TENM1: variants seen among roughly 807,000 people sequenced by gnomAD.
TENM1 encodes teneurin-1.
Under a neutral mutation model 174.8 loss-of-function variants are expected in TENM1, and 35 were observed. That is an observed-to-expected ratio of 0.20 (90% CI 0.15 to 0.27). The LOEUF (loss-of-function observed/expected upper bound fraction) is 0.27, where lower values mean the gene tolerates loss of function less well. Among genes scored for constraint, TENM1 ranks in the 10% least tolerant of loss-of-function variants. The pLI, the probability that TENM1 is intolerant of heterozygous loss-of-function variation, is 1.00. For synonymous variants in TENM1, 781 were observed against 798.7 expected (o/e 0.98, Z 0.37); for missense variants, 1,633 against 2,130.1 (o/e 0.77, Z 4.59).
the TENM1 span, among the ~76,000 whole-genome samples, chrX:124,980,653 G>GA: frequency 1.8e-5 from 2 of 110,918 alleles, no homozygotes; most frequent in African/African-American, 6.5e-5. Context: ...ATTTAAAAAT[G>GA]AAAAAATGTT....
intron 3 of TENM1, among the ~76,000 whole-genome samples, chrX:124,818,077 T>C (rs1459623377): frequency 9.0e-6 from 1 of 111,052 alleles, no homozygotes; most frequent in Non-Finnish European, 1.9e-5. Flanking sequence ...AGGATTAAAA[T>C]TTAAAAAATT....
chrX:124,761,044 A>G (rs762209147), intron 3 of TENM1, among the ~76,000 whole-genome samples: 261 of 111,942 alleles, frequency 2.3e-3, no homozygotes, highest in Non-Finnish European at 3.3e-3. Flanking sequence ...GTCAGGAAAC[A>G]ACAGGTGCTG....
the TENM1 span, among the ~76,000 whole-genome samples, chrX:125,045,753 C>T: frequency 3.6e-5 from 4 of 111,866 alleles, no homozygotes; most frequent in African/African-American, 1.3e-4. Context: ...AGTGAATAAT[C>T]GTCACCAGTC....
At chrX:124,437,104 ATTTTTTTTTTTTTTTTTTTT>A (rs35632932) in intron 23 of TENM1, among the ~76,000 whole-genome samples, 3 of 34,908 alleles carry the variant, frequency 8.6e-5, no homozygotes, top group African/African-American at 1.2e-4. Context: ...TGCTCGGCTA[ATTTTTTTTTTTTTTTTTTTT>A]TTTTTTTTGT....
intron 8 of TENM1, among the ~76,000 whole-genome samples, chrX:124,650,547 T>C (rs1569365761): frequency 9.0e-6 from 1 of 111,650 alleles, no homozygotes; most frequent in Non-Finnish European, 1.9e-5. Context: ...ATAGATCGGT[T>C]AGTGTTTTAA....
intron 15 of TENM1, among the ~76,000 whole-genome samples, chrX:124,545,347 G>A (rs902719018): frequency 4.5e-5 from 5 of 112,065 alleles, no homozygotes; most frequent in African/African-American, 1.3e-4. Flanking sequence ...AAGCTAAACC[G>A]CAGGGATTTA....
chrX:124,563,602 T>C lies in TENM1; in HGVS notation c.2287+147A>G, dbSNP rs183139053. The stretch of plus-strand genomic sequence containing the variant: ...ACCTTTTAGTGTGACTATTTTAGCA[T>C]GAAACTGACAACATTATATTTAAAT... On this transcript the variant is annotated intron_variant, in intron 13 of 31. Coordinates refer to ENST00000422452, the Ensembl canonical transcript of TENM1. The C allele has an allele frequency of 4.4e-5, 20 of 454,892 alleles. No individual in the cohort carries two copies. In the Middle Eastern group the frequency reaches 2.7e-3, roughly 61 times the overall value. 37.5% of individuals were successfully genotyped at this position (454,892 alleles called of 1,213,427 possible).
At chrX:124,866,962 T>C (rs1463440185) in intron 3 of TENM1, among the ~76,000 whole-genome samples, 1 of 111,074 alleles carries the variant, frequency 9.0e-6, no homozygotes, top group African/African-American at 3.3e-5. Context: ...ATCCAAAACC[T>C]AAACAGACCA....
the TENM1 span, among the ~76,000 whole-genome samples, chrX:125,005,410 TG>T: frequency 0.02 from 1,202 of 60,174 alleles, 5 homozygotes; most frequent in East Asian, 0.072. Flanking sequence ...GACTTGGTTG[TG>T]TGTGTGTGTG....
the TENM1 span, among the ~76,000 whole-genome samples, chrX:125,060,528 T>A: frequency 9.0e-6 from 1 of 111,665 alleles, no homozygotes; most frequent in South Asian, 3.8e-4. Flanking sequence ...TATCAAATTA[T>A]CATTTTAAAA....
chrX:124,942,778 C>G (rs1232332706), intron 1 of TENM1, among the ~76,000 whole-genome samples: 1 of 111,119 alleles, frequency 9.0e-6, no homozygotes, highest in South Asian at 3.8e-4. Flanking sequence ...TCTGTTCTTT[C>G]GTATCTCAAC....
the TENM1 span, among the ~76,000 whole-genome samples, chrX:125,085,916 C>A: frequency 9.1e-6 from 1 of 110,496 alleles, no homozygotes; most frequent in Non-Finnish European, 1.9e-5. Context: ...TTAGAAAATA[C>A]TTTCTCACCA....
At chrX:124,444,738 C>T (rs1417465007) in intron 23 of TENM1, among the ~76,000 whole-genome samples, 2 of 110,640 alleles carry the variant, frequency 1.8e-5, no homozygotes, top group Non-Finnish European at 3.8e-5. Flanking sequence ...ACTCAGAGCA[C>T]ATCTGGATTA....
At chrX:124,672,634 T>C (rs2051953110) in intron 5 of TENM1, among the ~76,000 whole-genome samples, 1 of 112,189 alleles carries the variant, frequency 8.9e-6, no homozygotes, top group Non-Finnish European at 1.9e-5. Context: ...ATGCTGTCTA[T>C]TGTAACATCT....
intron 14 of TENM1, among the ~76,000 whole-genome samples, chrX:124,552,322 C>T (rs1374704322): frequency 9.0e-6 from 1 of 111,672 alleles, no homozygotes; most frequent in Admixed American, 9.5e-5. Flanking sequence ...CTACTAGGCA[C>T]TCCTGTTAGC....
At chrX:124,614,320 C>T (rs989207137) in intron 11 of TENM1, among the ~76,000 whole-genome samples, 6 of 111,892 alleles carry the variant, frequency 5.4e-5, no homozygotes, top group Non-Finnish European at 1.1e-4. Flanking sequence ...CTGATATCCC[C>T]CTATATGAAA....
At chrX:124,388,083 T>C (rs774510960) in intron 28 of TENM1, among the ~76,000 whole-genome samples, 118 of 112,197 alleles carry the variant, frequency 1.1e-3, no homozygotes, top group African/African-American at 3.7e-3. Context: ...TTATCTCTAG[T>C]CTGAAAGTCA....
chrX:124,542,064 C>T (rs998872972), intron 15 of TENM1, among the ~76,000 whole-genome samples: 1 of 112,387 alleles, frequency 8.9e-6, no homozygotes, highest in Non-Finnish European at 1.9e-5. Flanking sequence ...GAAGGATTTC[C>T]ATCTGCTGTC....
chrX:125,029,747 G>A, the TENM1 span, among the ~76,000 whole-genome samples: 1 of 111,769 alleles, frequency 8.9e-6, no homozygotes, highest in African/African-American at 3.3e-5. Flanking sequence ...TCATTTAGAA[G>A]GCCAAGAGGA....
Sources: allele counts gnomAD v4.1 joint callset (sites outside exome capture counted in the v4.1 genomes callset), GRCh38; gene constraint gnomAD v4.1.1; transcripts MANE v1.5; gene names NCBI Gene and HGNC (gene_info 2026-07-23, HGNC 2026-07-21).